Variants in HACD1 observed in about 807,000 individuals in gnomAD.
HACD1 encodes the protein 3-hydroxyacyl-CoA dehydratase 1.
A neutral mutation model predicts 32.0 loss-of-function variants in HACD1; 41 were observed. That is an observed-to-expected ratio of 1.28 (90% CI 1.00 to 1.66). The LOEUF is 1.66. HACD1 is among the 40% of genes most tolerant of loss of function. The probability of loss-of-function intolerance (pLI) is 0.00; values close to 1 mark genes in which losing one functional copy is unlikely to be tolerated. For synonymous variants in HACD1, 142 were observed against 139.0 expected (o/e 1.02, Z -0.15); for missense variants, 396 against 380.1 (o/e 1.04, Z -0.35).
At chr10:17,604,389 C>G (rs1470789046) in intron 1 of HACD1, among the ~76,000 whole-genome samples, 3 of 148,178 alleles carry the variant, frequency 2.0e-5, no homozygotes, top group Non-Finnish European at 1.5e-5. Flanking sequence ...GAGGCTGAGG[C>G]AGGAGAATGG....
chr10:17,614,142 A>G (rs1833034852), intron 1 of HACD1, among the ~76,000 whole-genome samples: 1 of 152,242 alleles, frequency 6.6e-6, no homozygotes, highest in African/African-American at 2.4e-5. Flanking sequence ...CACAAGGCAG[A>G]TATTTCAAAA....
At chr10:17,615,726 G>T (rs1554817933) in intron 1 of HACD1, 1 of 367,508 alleles carries the variant, frequency 2.7e-6, no homozygotes, top group South Asian at 1.9e-5. Context: ...CAGCACATTG[G>T]GAGGCCGAAG....
intron 1 of HACD1, among the ~76,000 whole-genome samples, chr10:17,613,100 GTGTGTGTGTGTGTGTGTGTGTGTGTGT>G (rs1833015654): frequency 2.5e-4 from 2 of 8,014 alleles, no homozygotes; most frequent in African/African-American, 1.1e-3. Context: ...AATTTGGGGT[GTGTGTGTGTGTGTGTGTGTGTGTGTGT>G]GTGTGTGTGT....
At chr10:17,593,483 T>C (rs910674691) in intron 6 of HACD1, among the ~76,000 whole-genome samples, 23 of 152,148 alleles carry the variant, frequency 1.5e-4, no homozygotes, top group Admixed American at 1.3e-4. Flanking sequence ...GCCCAGTTAA[T>C]TTCTGTATTT....
chr10:17,615,133 C>T (rs550927697), intron 1 of HACD1, among the ~76,000 whole-genome samples: 13 of 152,356 alleles, frequency 8.5e-5, no homozygotes, highest in African/African-American at 2.9e-4. Flanking sequence ...AGCATCATTT[C>T]GTGATTGCTG....
At chr10:17,616,252 C>A (rs1456732073) in intron 1 of HACD1, among the ~76,000 whole-genome samples, 1 of 147,266 alleles carries the variant, frequency 6.8e-6, no homozygotes, top group Non-Finnish European at 1.5e-5. Context: ...CAAGACCGAG[C>A]GAGACTCCGT....
chr10:17,603,531 C>G, intron 4 of HACD1, 29 bp downstream of exon 4: 2 of 1,543,718 alleles, frequency 1.3e-6, no homozygotes, highest in Non-Finnish European at 1.8e-6. Context: ...CCTGCAGGCT[C>G]AAGTAGACAA....
At position 17,617,354 on chromosome 10, in the gene HACD1, G is replaced by T; in HGVS notation, c.-15C>A. On this transcript the variant is annotated 5_prime_UTR_variant, in exon 1 of 7. Coordinates refer to ENST00000361271, the MANE Select transcript of HACD1 (RefSeq NM_014241.4). ...AGGCGCCCCATGTGCAGCGCGCAGG[G>T]GGCTCGGCGCAGCCAGCTCTACCGA... 7.4e-7 allele frequency: 1 copy of T among 1,355,378 alleles called. No individual in the cohort carries two copies. The highest frequency in any genetic ancestry group is 1.8e-5 in the South Asian group (1 of 56,036). The allele number at this position is 1,355,378 out of a possible 1,614,324, so 84.0% of individuals were successfully genotyped here.
intron 4 of HACD1, among the ~76,000 whole-genome samples, chr10:17,601,042 T>C (rs1834062873): frequency 6.6e-6 from 1 of 151,894 alleles, no homozygotes. Flanking sequence ...TGTTCTTTTT[T>C]TTTTTTTTTG....
chr10:17,601,303 G>C (rs1834067062), intron 4 of HACD1, among the ~76,000 whole-genome samples: 1 of 152,106 alleles, frequency 6.6e-6, no homozygotes, highest in Non-Finnish European at 1.5e-5. Flanking sequence ...CAAAGTGCTG[G>C]GATTATAGGC....
In HACD1 at chr10:17,589,628, T is replaced by C. The variant is rs1373707118; in HGVS notation, c.*736A>G. On this transcript the variant is annotated 3_prime_UTR_variant, in exon 7 of 7. Transcript: ENST00000361271. ...ATAGTCAGATGTCATGTTTTTTTTT[T>C]AATAGTGGGGCAAATACTTATGCTC... 1 of 152,020 alleles carries C rather than the reference T, an allele frequency of 6.6e-6. No individual in the cohort carries two copies. The highest frequency in any genetic ancestry group is 1.5e-5 in the Non-Finnish European group (1 of 68,010). The allele number at this position is 152,020 out of a possible 1,614,324, so 9.4% of individuals were successfully genotyped here.
At chr10:17,596,534 A>T (rs1833997474) in intron 5 of HACD1, among the ~76,000 whole-genome samples, 1 of 151,568 alleles carries the variant, frequency 6.6e-6, no homozygotes, top group Non-Finnish European at 1.5e-5. Context: ...AAAAATTAAC[A>T]CTCCTACAAT....
intron 4 of HACD1, among the ~76,000 whole-genome samples, chr10:17,602,700 A>T (rs2131511871): frequency 6.6e-6 from 1 of 152,268 alleles, no homozygotes; most frequent in South Asian, 2.1e-4. Context: ...GCAATTTTCA[A>T]ATATACAATA....
chr10:17,609,111 A>G (rs1834190188), intron 1 of HACD1, among the ~76,000 whole-genome samples: 1 of 151,762 alleles, frequency 6.6e-6, no homozygotes, highest in African/African-American at 2.4e-5. Context: ...AAACCCTATA[A>G]TAGGAAATCA....
chr10:17,610,102 T>A (rs782646817), intron 1 of HACD1, among the ~76,000 whole-genome samples: 1 of 152,256 alleles, frequency 6.6e-6, no homozygotes, highest in Middle Eastern at 3.4e-3. Flanking sequence ...CATAGACATG[T>A]ACATGCATGC....
chr10:17,597,708 A>G (rs1554816113), intron 5 of HACD1, among the ~76,000 whole-genome samples: 1 of 151,708 alleles, frequency 6.6e-6, no homozygotes, highest in African/African-American at 2.4e-5. Flanking sequence ...ATGCGAAATG[A>G]TATTGATGTG....
In HACD1 at chr10:17,611,031, C is replaced by T. The variant is rs929885710; in HGVS notation, c.257+6052G>A. On this transcript the variant is annotated intron_variant, in intron 1 of 6. Transcript: ENST00000361271. The stretch of plus-strand genomic sequence containing the variant: ...TTTTTTTTTTTTTTTGAGACAGTCT[C>T]GCTCTGTTGCCCAGGCTGGAGTGCA... 4.9e-5 allele frequency among the ~76,000 whole-genome samples: 7 copies of T among 142,198 alleles called. No homozygotes were observed. The Admixed American group carries it at 5.1e-4, about 10-fold the overall frequency. The allele number at this position is 142,198 out of a possible 152,430, so 93.3% of individuals were successfully genotyped here.
intron 1 of HACD1, among the ~76,000 whole-genome samples, chr10:17,614,622 G>A (rs1833045066): frequency 6.6e-6 from 1 of 152,088 alleles, no homozygotes. Context: ...GGCTGAGGCA[G>A]GAGGATTGCT....
chr10:17,597,823 A>G (rs1834014179), intron 5 of HACD1, among the ~76,000 whole-genome samples: 1 of 152,172 alleles, frequency 6.6e-6, no homozygotes, highest in Non-Finnish European at 1.5e-5. Flanking sequence ...AACCAACCAA[A>G]TCCATATAAA....
Sources: gnomAD v4.1 joint callset for allele counts (sites outside exome capture counted in the v4.1 genomes callset) on GRCh38, gnomAD v4.1.1 for gene constraint, MANE v1.5 for transcripts, NCBI Gene and HGNC (gene_info 2026-07-23, HGNC 2026-07-21) for gene names.